Variants in CPXM2 observed in about 807,000 individuals in gnomAD.
CPXM2 encodes inactive carboxypeptidase-like protein X2.
In CPXM2, 66 loss-of-function variants were observed where a neutral mutation model predicts 86.1. That is an observed-to-expected ratio of 0.77 (90% CI 0.63 to 0.94). CPXM2 has a LOEUF of 0.94. Ranked by LOEUF, CPXM2 falls within the 40% of genes least tolerant of loss-of-function variation. The pLI is 0.00. For synonymous variants in CPXM2, 388 were observed against 400.2 expected (o/e 0.97, Z 0.36); for missense variants, 948 against 1,026.3 (o/e 0.92, Z 1.04).
chr10:123,748,471 T>A (rs956474245), intron 13 of CPXM2, among the ~76,000 whole-genome samples: 9 of 152,090 alleles, frequency 5.9e-5, no homozygotes, highest in African/African-American at 2.2e-4. Context: ...TAATCTCAAT[T>A]CATCCAAGAC....
At chr10:123,818,854 A>G (rs1038967953) in intron 4 of CPXM2, among the ~76,000 whole-genome samples, 1 of 152,158 alleles carries the variant, frequency 6.6e-6, no homozygotes, top group African/African-American at 2.4e-5. Context: ...AATATATGGT[A>G]CTGTTTCTCC....
chr10:123,778,234 C>T lies in CPXM2; in HGVS notation c.978+1933G>A, dbSNP rs536104509. ...TTTTGTTTGTTGTAAATGTCTCTTTCAATAGTAGGAAAAATGAACAAGTTT... is the reference window on the plus strand; with the variant it reads ...TTTTGTTTGTTGTAAATGTCTCTTTTAATAGTAGGAAAAATGAACAAGTTT... On this transcript the variant is annotated intron_variant, in intron 7 of 13. Coordinates refer to ENST00000241305, the MANE Select transcript of CPXM2 (RefSeq NM_198148.3). Among the ~76,000 whole-genome samples the T allele has an allele frequency of 2.0e-5, 3 of 152,278 alleles. No individual in the cohort carries two copies. The South Asian group carries it at 6.2e-4, about 32-fold the overall frequency.
intron 2 of CPXM2, among the ~76,000 whole-genome samples, chr10:123,913,185 C>G (rs983288054): frequency 1.3e-5 from 2 of 152,106 alleles, no homozygotes; most frequent in Non-Finnish European, 2.9e-5. Flanking sequence ...AAAAGATGTG[C>G]TGTGGGTATT....
chr10:123,917,223 G>A (rs909982751), intron 2 of CPXM2, among the ~76,000 whole-genome samples: 5 of 152,166 alleles, frequency 3.3e-5, no homozygotes, highest in South Asian at 2.1e-4. Context: ...CTCTAGAGGC[G>A]CCCATAGAAA....
intron 2 of CPXM2, among the ~76,000 whole-genome samples, chr10:123,921,492 CAAAT>C (rs1945579125): frequency 1.3e-5 from 2 of 152,192 alleles, no homozygotes; most frequent in South Asian, 4.1e-4. Flanking sequence ...CAGCTAGCCT[CAAAT>C]GGCAGCAGCA....
intron 2 of CPXM2, among the ~76,000 whole-genome samples, chr10:123,926,836 G>A (rs1945625591): frequency 6.6e-6 from 1 of 152,184 alleles, no homozygotes; most frequent in African/African-American, 2.4e-5. Flanking sequence ...TGTCTGCCCT[G>A]TACTGCATGG....
chr10:123,937,260 A>T (rs80356371), intron 2 of CPXM2, among the ~76,000 whole-genome samples: 8,538 of 152,204 alleles, frequency 0.056, 490 homozygotes, highest in East Asian at 0.28. Context: ...GGTCTCAGGA[A>T]AGTTACAATT....
chr10:123,875,267 G>A (rs940638390), intron 2 of CPXM2, among the ~76,000 whole-genome samples: 3 of 152,224 alleles, frequency 2.0e-5, no homozygotes, highest in Non-Finnish European at 4.4e-5. Flanking sequence ...AGATGGTGCA[G>A]AAAGTGGAAA....
At chr10:123,895,200 G>A (rs543471492), upstream of CPXM2, among the ~76,000 whole-genome samples, 57 of 136,646 alleles carry the variant, frequency 4.2e-4, no homozygotes, top group Middle Eastern at 4.1e-3. Context: ...GTCGGCTCAC[G>A]GCAACCTCTG....
intron 3 of CPXM2, among the ~76,000 whole-genome samples, chr10:123,861,773 C>T (rs1250537297): frequency 2.0e-5 from 3 of 152,178 alleles, no homozygotes; most frequent in South Asian, 2.1e-4. Flanking sequence ...GAAAGAGCAT[C>T]GCCCTGCATA....
At chr10:123,917,615 T>G (rs1945544150) in intron 2 of CPXM2, among the ~76,000 whole-genome samples, 1 of 152,238 alleles carries the variant, frequency 6.6e-6, no homozygotes, top group African/African-American at 2.4e-5. Flanking sequence ...TTTTTGTATG[T>G]TGAAGAGGAG....
Position 123,751,732 on chromosome 10 carries a change from A to C in CPXM2, c.2017+2931T>G, listed in dbSNP as rs185779765. ...GAAATAAAACTTGTCAGATCACATA[A>C]ACCTCAGATAGAAATCAAGGCAAAT... On this transcript the variant is annotated intron_variant, in intron 13 of 13. Transcript: ENST00000241305. The C allele has an allele frequency of 2.2e-4, 220 of 985,472 alleles. 1 individual carries two copies. In the African/African-American group the frequency reaches 3.6e-3, roughly 16 times the overall value. 61.0% of individuals were successfully genotyped at this position (985,472 alleles called of 1,614,324 possible).
chr10:123,867,742 AAG>A (rs1944819774), intron 2 of CPXM2, among the ~76,000 whole-genome samples: 1 of 152,132 alleles, frequency 6.6e-6, no homozygotes, highest in Non-Finnish European at 1.5e-5. Context: ...GATGCTGGCC[AAG>A]CTGGTCTCAA....
intron 4 of CPXM2, among the ~76,000 whole-genome samples, chr10:123,810,603 T>C (rs564185986): frequency 6.6e-6 from 1 of 152,168 alleles, no homozygotes; most frequent in Admixed American, 6.5e-5. Flanking sequence ...CTGCCAAAAA[T>C]AAGGTACTTA....
chr10:123,827,351 C>T (rs976103906), intron 4 of CPXM2, among the ~76,000 whole-genome samples: 1 of 152,078 alleles, frequency 6.6e-6, no homozygotes, highest in Non-Finnish European at 1.5e-5. Context: ...TACCAAAAAC[C>T]AACAAAGATT....
rs1846441629 is a variant in CPXM2, at chr10:123,765,228, C to T, written c.1479+1745G>A. ...ATTGGTTATAGAATTCTTATACGTCCCTTATGTCAAACCTGTTAGCCTTGT... is the reference window on the plus strand; with the variant it reads ...ATTGGTTATAGAATTCTTATACGTCTCTTATGTCAAACCTGTTAGCCTTGT... On this transcript the variant is annotated intron_variant, in intron 10 of 13. Coordinates refer to ENST00000241305, the MANE Select transcript of CPXM2 (RefSeq NM_198148.3). Among the ~76,000 whole-genome samples, 3 of 152,208 alleles carry T rather than the reference C, an allele frequency of 2.0e-5. No individual in the cohort carries two copies. In the South Asian group the frequency reaches 6.2e-4, roughly 32 times the overall value.
intron 4 of CPXM2, among the ~76,000 whole-genome samples, chr10:123,831,881 G>A (rs1230713761): frequency 6.6e-6 from 1 of 150,400 alleles, no homozygotes; most frequent in Non-Finnish European, 1.5e-5. Flanking sequence ...TCTTTGCCAT[G>A]TAACCAACCA....
At chr10:123,799,791 C>A (rs972700323) in intron 4 of CPXM2, among the ~76,000 whole-genome samples, 1 of 152,150 alleles carries the variant, frequency 6.6e-6, no homozygotes, top group Non-Finnish European at 1.5e-5. Context: ...ATAAATACCC[C>A]CATCATCACA....
intron 4 of CPXM2, among the ~76,000 whole-genome samples, chr10:123,827,035 T>G (rs1848062653): frequency 6.6e-6 from 1 of 152,196 alleles, no homozygotes; most frequent in Non-Finnish European, 1.5e-5. Flanking sequence ...TTAATAGACT[T>G]GAAGTTCTGT....
Sources: gnomAD v4.1 joint callset for allele counts (sites outside exome capture counted in the v4.1 genomes callset) on GRCh38, gnomAD v4.1.1 for gene constraint, MANE v1.5 for transcripts, NCBI Gene and HGNC (gene_info 2026-07-23, HGNC 2026-07-21) for gene names.